Variants in TMEM63A observed in about 807,000 individuals in gnomAD.
The protein encoded by TMEM63A is mechanosensitive cation channel TMEM63A.
A neutral mutation model predicts 100.6 loss-of-function variants in TMEM63A; 76 were observed. The observed-to-expected ratio is 0.76, with a 90% CI of 0.63 to 0.91. The LOEUF is 0.91. Among genes scored for constraint, TMEM63A ranks in the 40% least tolerant of loss-of-function variants. TMEM63A has a pLI of 0.00. For synonymous variants in TMEM63A, 401 were observed against 401.1 expected (o/e 1.00, Z 0.00); for missense variants, 876 against 1,008.8 (o/e 0.87, Z 1.78).
Position 225,874,342 on chromosome 1 carries a change from A to C in TMEM63A, c.212T>G (p.Ile71Arg), listed in dbSNP as rs755172681. Reference protein sequence around the residue: ...FLFLILVFSIIRRRFWDYGRI... With the variant: ...FLFLILVFSIRRRRFWDYGRI... ...GCCATAGTCCCAGAATCTTCTTCTT[A>C]TAATAGAAAACACCAAGATTAAGAA... is the stretch of plus-strand genomic sequence containing the variant. The change falls in exon 4 of 25, where the codon ATA becomes AGA. Residue 71 changes from isoleucine (I) to arginine (R), a missense_variant. Physicochemically the swap from Ile to Arg is moderately conservative, Grantham distance 97 (BLOSUM62 -3). This residue lies in a region of TMEM63A where 487 missense variants were observed against 581.9 expected (regional missense o/e 0.84). Transcript: ENST00000366835. 9 of 1,613,826 alleles carry C rather than the reference A, an allele frequency of 5.6e-6. No homozygotes were observed. In the African/African-American group the frequency reaches 9.3e-5, roughly 17 times the overall value.
intron 20 of TMEM63A, among the ~76,000 whole-genome samples, chr1:225,851,954 G>A (rs933053124): frequency 6.6e-6 from 1 of 152,274 alleles, no homozygotes; most frequent in African/African-American, 2.4e-5. Context: ...TATTTTGTGT[G>A]AAGGGGGAAT....
At chr1:225,854,824 C>A (rs1474152203) in intron 18 of TMEM63A, among the ~76,000 whole-genome samples, 3 of 152,238 alleles carry the variant, frequency 2.0e-5, no homozygotes, top group Admixed American at 1.3e-4. Flanking sequence ...GGGGGCTGAG[C>A]CTTCAGGCAG....
At chr1:225,871,501 T>G in intron 5 of TMEM63A, 1 of 220,896 alleles carries the variant, frequency 4.5e-6, no homozygotes, top group Non-Finnish European at 9.0e-6. Flanking sequence ...AAAGGGTGTC[T>G]GCAGGTTTTA....
chr1:225,852,818 C>T, intron 19 of TMEM63A, 49 bp from the exon 20 acceptor site: 1 of 1,544,710 alleles, frequency 6.5e-7, no homozygotes, highest in Non-Finnish European at 8.9e-7. Context: ...CCACCTCAAA[C>T]ACCCTTTTGT....
chr1:225,859,387 C>G lies in TMEM63A; in HGVS notation c.1224-38G>C, dbSNP rs899802290. Reference sequence around the variant, plus strand: ...AGGGGATACAGGTCTCGAGGCTTGTCTCCCAGTGCTCGTGGCTTAGGTGGG... The same window carrying G: ...AGGGGATACAGGTCTCGAGGCTTGTGTCCCAGTGCTCGTGGCTTAGGTGGG... On this transcript the variant is annotated intron_variant, in intron 14 of 24. Transcript: ENST00000366835. 1.9e-6 allele frequency: 3 copies of G among 1,609,810 alleles called. No homozygotes were observed. The African/African-American group carries it at 4.0e-5, about 22-fold the overall frequency.
chr1:225,877,838 G>A (rs360096), intron 2 of TMEM63A, among the ~76,000 whole-genome samples: 80,360 of 152,020 alleles, frequency 0.53, 23,075 homozygotes, highest in Middle Eastern at 0.64. Flanking sequence ...GCTCATCCAG[G>A]ACACAGTGGG....
chr1:225,849,856 T>C, intron 21 of TMEM63A, 56 bp downstream of exon 21: 1 of 1,579,484 alleles, frequency 6.3e-7, no homozygotes. Context: ...GACTGGCTGG[T>C]GGGGATGCAG....
intron 18 of TMEM63A, 80 bp downstream of exon 18, chr1:225,855,798 A>C (rs1576077892): frequency 7.0e-7 from 1 of 1,423,726 alleles, no homozygotes; most frequent in Non-Finnish European, 9.8e-7. Context: ...GACCGCCCCC[A>C]CCCATCCCAC....
intron 14 of TMEM63A, chr1:225,859,651 T>C: frequency 3.6e-6 from 1 of 274,726 alleles, no homozygotes; most frequent in African/African-American, 2.3e-5. Flanking sequence ...CTTTTTCTGT[T>C]TTTTTTTTTT....
At chr1:225,852,523 G>T in intron 20 of TMEM63A, 141 bp downstream of exon 20, 1 of 711,860 alleles carries the variant, frequency 1.4e-6, no homozygotes, top group Non-Finnish European at 2.4e-6. Flanking sequence ...GGTGTCACGT[G>T]AGTCTTTAGC....
At chr1:225,845,445 G>A (rs1043902534), downstream of TMEM63A, 27 of 1,322,742 alleles carry the variant, frequency 2.0e-5, no homozygotes, top group East Asian at 3.0e-4. Flanking sequence ...GTTTGCCTCC[G>A]TCCCCTGCCC....
chr1:225,844,397 C>T, downstream of TMEM63A: 3 of 1,584,606 alleles, frequency 1.9e-6, no homozygotes. Context: ...AGGAGGGAAG[C>T]CGCATGGGCA....
chr1:225,876,808 C>T (rs989225779), intron 3 of TMEM63A, among the ~76,000 whole-genome samples: 4 of 152,072 alleles, frequency 2.6e-5, no homozygotes, highest in Admixed American at 6.5e-5. Context: ...CCACCACACC[C>T]GGCTAATTTT....
chr1:225,874,011 G>C (rs1028660708), intron 4 of TMEM63A, among the ~76,000 whole-genome samples: 4 of 152,172 alleles, frequency 2.6e-5, no homozygotes, highest in Non-Finnish European at 5.9e-5. Flanking sequence ...CACAATGAGG[G>C]TAGCGAGGCT....
At chr1:225,861,999 C>G (rs547259117) in intron 13 of TMEM63A, 3 of 695,406 alleles carry the variant, frequency 4.3e-6, no homozygotes, top group East Asian at 5.6e-5. Flanking sequence ...GAATCACCCA[C>G]TCCGTGGCTG....
chr1:225,856,327 G>GTT (rs71574544), intron 17 of TMEM63A, among the ~76,000 whole-genome samples: 23,624 of 107,880 alleles, frequency 0.22, 3,110 homozygotes, highest in East Asian at 0.41. Context: ...TTTCAAGCTG[G>GTT]TTTTTTTTTT....
At chr1:225,857,138 C>T in intron 15 of TMEM63A, 121 bp from the exon 16 acceptor site, 1 of 784,390 alleles carries the variant, frequency 1.3e-6, no homozygotes. Flanking sequence ...TCATCTCTGA[C>T]CCCAGAACCA....
At chr1:225,873,115 G>A (rs939898586) in intron 4 of TMEM63A, among the ~76,000 whole-genome samples, 5 of 152,086 alleles carry the variant, frequency 3.3e-5, no homozygotes, top group East Asian at 1.9e-4. Context: ...GACCTTCACC[G>A]TGACCTCATG....
chr1:225,849,374 C>T (rs779655751), intron 21 of TMEM63A, among the ~76,000 whole-genome samples: 27 of 152,188 alleles, frequency 1.8e-4, no homozygotes, highest in Non-Finnish European at 3.2e-4. Flanking sequence ...CCAGTCTGAC[C>T]GGGGCAGACG....
Sources: gnomAD v4.1 joint callset for allele counts (sites outside exome capture counted in the v4.1 genomes callset) on GRCh38, gnomAD v4.1.1 for gene constraint, gnomAD v4.1.1 regional missense constraint, MANE v1.5 for transcripts, NCBI Gene and HGNC (gene_info 2026-07-23, HGNC 2026-07-21) for gene names.